Variants in CDH18 observed in about 807,000 individuals in gnomAD.
CDH18 encodes cadherin 18, also known as cadherin-18.
CDH18 carries 31 observed loss-of-function variants against 67.9 expected under a neutral mutation model. The ratio of observed to expected loss-of-function variants is 0.46; its 90% CI spans 0.34 to 0.62. The LOEUF (loss-of-function observed/expected upper bound fraction) is 0.62. Ranked by LOEUF, CDH18 falls within the 20% of genes least tolerant of loss-of-function variation. The probability of loss-of-function intolerance (pLI) is 0.01; values close to 1 mark genes in which losing one functional copy is unlikely to be tolerated. For synonymous variants in CDH18, 362 were observed against 347.2 expected (o/e 1.04, Z -0.48); for missense variants, 890 against 975.5 (o/e 0.91, Z 1.17).
At chr5:19,940,686 G>T (rs370658157) in intron 2 of CDH18, among the ~76,000 whole-genome samples, 1 of 151,606 alleles carries the variant, frequency 6.6e-6, no homozygotes, top group African/African-American at 2.4e-5. Flanking sequence ...AGTTTTCATG[G>T]TTCCTGTCAA....
At chr5:19,766,749 C>G (rs951540785) in intron 3 of CDH18, among the ~76,000 whole-genome samples, 10 of 152,048 alleles carry the variant, frequency 6.6e-5, no homozygotes, top group African/African-American at 2.2e-4. Context: ...ACATCTAATC[C>G]CCTTCAAACT....
intron 2 of CDH18, among the ~76,000 whole-genome samples, chr5:20,101,458 G>A (rs1746457976): frequency 6.6e-6 from 1 of 152,214 alleles, no homozygotes; most frequent in South Asian, 2.1e-4. Context: ...ATAATTAAAT[G>A]GAATGACTCT....
chr5:19,473,127 G>C lies in CDH18; in HGVS notation c.*99C>G, dbSNP rs1011259864. The C allele has an allele frequency of 2.1e-6, 3 of 1,457,390 alleles. No homozygotes were observed. Among genetic ancestry groups the C allele is most frequent in the Non-Finnish European group, 2.8e-6 (3 of 1,076,938 alleles). 90.3% of individuals were successfully genotyped at this position (1,457,390 alleles called of 1,614,324 possible). On this transcript the variant is annotated 3_prime_UTR_variant, in exon 13 of 13. Coordinates refer to ENST00000382275, the MANE Select transcript of CDH18 (RefSeq NM_004934.5). Reference sequence around the variant, plus strand: ...ACAGGAGCTGTGTCCAGCTTCCTCAGTTCCAAGTACTGTTTCCACACTTCT... The same window carrying C: ...ACAGGAGCTGTGTCCAGCTTCCTCACTTCCAAGTACTGTTTCCACACTTCT...
chr5:19,659,445 T>C (rs549071034), intron 5 of CDH18, among the ~76,000 whole-genome samples: 1 of 152,142 alleles, frequency 6.6e-6, no homozygotes, highest in African/African-American at 2.4e-5. Flanking sequence ...CACTTGGGAG[T>C]TTGATCAGTA....
At chr5:20,105,877 T>C (rs1746888617) in intron 2 of CDH18, among the ~76,000 whole-genome samples, 3 of 152,326 alleles carry the variant, frequency 2.0e-5, no homozygotes, top group South Asian at 2.1e-4. Context: ...GCAATGAACA[T>C]TGGTGGAAAG....
chr5:19,673,908 G>A (rs1300426353), intron 5 of CDH18, among the ~76,000 whole-genome samples: 1 of 152,004 alleles, frequency 6.6e-6, no homozygotes, highest in Non-Finnish European at 1.5e-5. Flanking sequence ...GAGGGTCCAA[G>A]CAGTCTTACT....
At chr5:19,641,909 A>G (rs1172955315) in intron 5 of CDH18, among the ~76,000 whole-genome samples, 2 of 151,918 alleles carry the variant, frequency 1.3e-5, no homozygotes, top group African/African-American at 4.8e-5. Flanking sequence ...AAATACCTTT[A>G]TTTTCAGGTC....
At chr5:20,331,497 T>C (rs1206130658) in intron 1 of CDH18, 2 of 152,162 alleles carry the variant, frequency 1.3e-5, no homozygotes, top group African/African-American at 4.8e-5. Flanking sequence ...AAGTGTGAAA[T>C]AGATTTTTTT....
At chr5:20,471,833 T>TTAAAAAAAAAAA (rs757184101) in intron 1 of CDH18, among the ~76,000 whole-genome samples, 11 of 51,486 alleles carry the variant, frequency 2.1e-4, no homozygotes, top group African/African-American at 7.1e-4. Context: ...AGATTCAGTC[T>TTAAAAAAAAAAA]AAAAAAAAAA....
intron 6 of CDH18, among the ~76,000 whole-genome samples, chr5:19,593,602 C>T (rs1196977441): frequency 7.1e-6 from 1 of 141,270 alleles, no homozygotes; most frequent in Non-Finnish European, 1.5e-5. Flanking sequence ...CCTTCTACTT[C>T]ACCCACTCCC....
chr5:19,773,903 T>G (rs758161619), intron 3 of CDH18, among the ~76,000 whole-genome samples: 3 of 151,836 alleles, frequency 2.0e-5, no homozygotes, highest in Non-Finnish European at 2.9e-5. Flanking sequence ...TTTAAAAACT[T>G]GGAATCATAA....
chr5:19,523,917 T>C (rs1284168340), intron 9 of CDH18, among the ~76,000 whole-genome samples: 1 of 152,018 alleles, frequency 6.6e-6, no homozygotes, highest in East Asian at 1.9e-4. Context: ...AGAAAATAAA[T>C]AACAACACAG....
intron 1 of CDH18, among the ~76,000 whole-genome samples, chr5:20,333,983 A>T (rs1739445347): frequency 1.3e-5 from 2 of 152,136 alleles, no homozygotes; most frequent in African/African-American, 4.8e-5. Context: ...AATTTAAAAG[A>T]TAAACGTTTG....
chr5:20,518,943 G>GA (rs1437962437), intron 1 of CDH18, among the ~76,000 whole-genome samples: 1 of 152,058 alleles, frequency 6.6e-6, no homozygotes, highest in African/African-American at 2.4e-5. Flanking sequence ...AAGGTAGAAA[G>GA]AAAAAGATAA....
At chr5:19,757,351 C>T (rs911501829) in intron 3 of CDH18, among the ~76,000 whole-genome samples, 7 of 152,132 alleles carry the variant, frequency 4.6e-5, no homozygotes, top group East Asian at 1.9e-4. Context: ...CTGATCTCCC[C>T]GAGGAATGGT....
At chr5:20,167,367 T>A (rs1380592810) in intron 2 of CDH18, among the ~76,000 whole-genome samples, 3 of 152,034 alleles carry the variant, frequency 2.0e-5, no homozygotes, top group Non-Finnish European at 4.4e-5. Flanking sequence ...GGGATTTTGA[T>A]CGGGAGAGGG....
chr5:20,282,350 T>C (rs1185258344), intron 1 of CDH18, among the ~76,000 whole-genome samples: 2 of 152,138 alleles, frequency 1.3e-5, no homozygotes, highest in African/African-American at 4.8e-5. Flanking sequence ...GGCTGTGGGT[T>C]TGTCATAAAT....
At chr5:19,828,843 C>G (rs561560334) in intron 3 of CDH18, among the ~76,000 whole-genome samples, 1 of 152,000 alleles carries the variant, frequency 6.6e-6, no homozygotes, top group South Asian at 2.1e-4. Flanking sequence ...TCGAGACCAG[C>G]CCTGGCCAAC....
At chr5:19,633,656 G>T (rs1752714828) in intron 5 of CDH18, among the ~76,000 whole-genome samples, 1 of 151,496 alleles carries the variant, frequency 6.6e-6, no homozygotes, top group Non-Finnish European at 1.5e-5. Context: ...TTGAGACAGG[G>T]TCTCTCTCTC....
Sources: allele counts gnomAD v4.1 joint callset (sites outside exome capture counted in the v4.1 genomes callset), GRCh38; gene constraint gnomAD v4.1.1; transcripts MANE v1.5; gene names NCBI Gene and HGNC (gene_info 2026-07-23, HGNC 2026-07-21).